Variants in PCCA observed in about 807,000 individuals in gnomAD.
The protein encoded by PCCA is propionyl-CoA carboxylase alpha chain, mitochondrial.
In PCCA, 74 loss-of-function variants were observed where a neutral mutation model predicts 101.3. That is an observed-to-expected ratio of 0.73 (90% CI 0.61 to 0.89). The LOEUF is 0.89. PCCA is among the 40% of genes least tolerant of loss of function. PCCA has a pLI of 0.00. For synonymous variants in PCCA, 294 were observed against 313.6 expected, an observed-to-expected ratio of 0.94 and a Z score of 0.66; for missense variants, 891 against 907.0, an observed-to-expected ratio of 0.98 and a Z score of 0.23.
chr13:100,172,362 C>T (rs1271294167), intron 6 of PCCA, among the ~76,000 whole-genome samples: 1 of 151,810 alleles, frequency 6.6e-6, no homozygotes, highest in African/African-American at 2.4e-5. Flanking sequence ...TTTTTAGGAT[C>T]TGTTATTTCC....
intron 22 of PCCA, among the ~76,000 whole-genome samples, chr13:100,524,316 T>A (rs373161810): frequency 1.4e-4 from 21 of 151,780 alleles, no homozygotes; most frequent in African/African-American, 3.1e-4. Flanking sequence ...GTTTGTACAT[T>A]TGGTTCTCCA....
chr13:100,420,930 G>T (rs1338782419), intron 19 of PCCA, among the ~76,000 whole-genome samples: 5 of 152,206 alleles, frequency 3.3e-5, no homozygotes, highest in Non-Finnish European at 5.9e-5. Context: ...CTTTAGAGTG[G>T]ATGTAGTGGC....
At chr13:100,228,624 G>A (rs982128258) in intron 7 of PCCA, among the ~76,000 whole-genome samples, 27 of 151,870 alleles carry the variant, frequency 1.8e-4, no homozygotes, top group African/African-American at 4.8e-4. Context: ...AAGGCTGGGC[G>A]CGGTGGCTCA....
chr13:100,194,640 C>T (rs1352689247), intron 6 of PCCA, among the ~76,000 whole-genome samples: 3 of 152,018 alleles, frequency 2.0e-5, no homozygotes, highest in Admixed American at 1.3e-4. Context: ...AGGCTGGTCT[C>T]GAACTCCTGA....
intron 6 of PCCA, among the ~76,000 whole-genome samples, chr13:100,208,357 TG>T (rs1410186361): frequency 6.6e-6 from 1 of 152,146 alleles, no homozygotes; most frequent in Non-Finnish European, 1.5e-5. Context: ...AACGCTAACA[TG>T]GAATGAACAG....
intron 8 of PCCA, among the ~76,000 whole-genome samples, chr13:100,251,573 A>G (rs1339528818): frequency 6.6e-6 from 1 of 152,184 alleles, no homozygotes; most frequent in East Asian, 1.9e-4. Context: ...GTAGATATTG[A>G]CTAAAGCAAG....
At chr13:100,393,182 A>G (rs756539357) in intron 19 of PCCA, among the ~76,000 whole-genome samples, 24 of 152,138 alleles carry the variant, frequency 1.6e-4, no homozygotes, top group Non-Finnish European at 2.6e-4. Context: ...AAAAAACACG[A>G]TTGCTCAATA....
At chr13:100,509,775 A>G (rs1295717383) in intron 21 of PCCA, among the ~76,000 whole-genome samples, 6 of 152,190 alleles carry the variant, frequency 3.9e-5, no homozygotes, top group East Asian at 1.9e-4. Flanking sequence ...ATTAGAGTCT[A>G]TAACAGACTA....
intron 19 of PCCA, among the ~76,000 whole-genome samples, chr13:100,417,482 A>C (rs945217014): frequency 6.6e-6 from 1 of 152,246 alleles, no homozygotes; most frequent in South Asian, 2.1e-4. Flanking sequence ...ATCTTTACAA[A>C]GATTATTCTG....
rs368934705 is a variant in PCCA, at chr13:100,154,938, T to G, written c.301-41T>G. ...TATTTGCAGATGATGGTAATTCTTT[T>G]TGCTGGGCGCATCTGTTAATGCAGA... On this transcript the variant is annotated intron_variant, in intron 4 of 23. Coordinates refer to ENST00000376285, the MANE Select transcript of PCCA (RefSeq NM_000282.4). 4.4e-5 allele frequency: 57 copies of G among 1,292,990 alleles called. No homozygotes were observed. In the East Asian group the frequency reaches 9.2e-4, roughly 21 times the overall value. 80.1% of individuals were successfully genotyped at this position (1,292,990 alleles called of 1,614,324 possible).
At chr13:100,414,359 A>T (rs2078224762) in intron 19 of PCCA, among the ~76,000 whole-genome samples, 1 of 152,240 alleles carries the variant, frequency 6.6e-6, no homozygotes, top group Admixed American at 6.5e-5. Flanking sequence ...CACTAGAGGT[A>T]TGATAGCTCT....
At position 100,391,746 on chromosome 13, in the gene PCCA, C is replaced by G. The variant is rs377434830; in HGVS notation, c.1746+23172C>G. On this transcript the variant is annotated intron_variant, in intron 19 of 23. Transcript: ENST00000376285. Reference sequence around the variant, plus strand: ...TTCTAGGGAATACTATTGATCAACACGTTTTTCAAAAGTCTAAATTGTGTT... The same window carrying G: ...TTCTAGGGAATACTATTGATCAACAGGTTTTTCAAAAGTCTAAATTGTGTT... Among the ~76,000 whole-genome samples the G allele has an allele frequency of 1.1e-3, 166 of 152,238 alleles. 6 individuals carry two copies. The South Asian group carries it at 0.031, about 29-fold the overall frequency.
At chr13:100,146,395 T>G (rs1212025379) in intron 4 of PCCA, among the ~76,000 whole-genome samples, 1 of 151,604 alleles carries the variant, frequency 6.6e-6, no homozygotes, top group South Asian at 2.1e-4. Flanking sequence ...ACCAACATGG[T>G]GAAACCCCGT....
intron 1 of PCCA, among the ~76,000 whole-genome samples, chr13:100,096,827 G>A (rs561926139): frequency 3.3e-5 from 5 of 152,338 alleles, no homozygotes; most frequent in South Asian, 2.1e-4. Context: ...TCAGTTCTGC[G>A]AAGGCTGAGA....
chr13:100,205,236 A>T (rs1213216365), intron 6 of PCCA, among the ~76,000 whole-genome samples: 1 of 152,188 alleles, frequency 6.6e-6, no homozygotes, highest in East Asian at 1.9e-4. Context: ...TCTAAGTCAC[A>T]CCGCTGCCTG....
intron 19 of PCCA, among the ~76,000 whole-genome samples, chr13:100,422,186 G>A (rs1396239109): frequency 7.2e-6 from 1 of 138,762 alleles, no homozygotes; most frequent in Non-Finnish European, 1.5e-5. Flanking sequence ...AGCCTGGAGT[G>A]CAGTGGCAAA....
intron 4 of PCCA, among the ~76,000 whole-genome samples, chr13:100,145,790 A>G (rs2052464927): frequency 6.7e-6 from 1 of 150,340 alleles, no homozygotes; most frequent in Admixed American, 6.6e-5. Flanking sequence ...TGAACCCAGG[A>G]GGTGGAGGTT....
intron 12 of PCCA, among the ~76,000 whole-genome samples, chr13:100,281,992 A>G (rs1437203627): frequency 2.0e-5 from 3 of 152,186 alleles, no homozygotes; most frequent in Non-Finnish European, 4.4e-5. Context: ...TCCCTGGCCA[A>G]AAGTGTTTTT....
intron 19 of PCCA, among the ~76,000 whole-genome samples, chr13:100,391,174 C>T (rs377353327): frequency 5.3e-5 from 8 of 152,254 alleles, no homozygotes; most frequent in East Asian, 1.9e-4. Flanking sequence ...CACGCCACCA[C>T]GCCCAGCTAA....
Sources: allele counts gnomAD v4.1 joint callset (sites outside exome capture counted in the v4.1 genomes callset), GRCh38; gene constraint gnomAD v4.1.1; transcripts MANE v1.5; gene names NCBI Gene and HGNC (gene_info 2026-07-23, HGNC 2026-07-21).